The following IFT57 variants were observed in gnomAD, a reference collection of about 807,000 sequenced individuals.
IFT57 encodes intraflagellar transport protein 57 homolog.
In IFT57, 59 loss-of-function variants were observed where a neutral mutation model predicts 56.8. The ratio of observed to expected loss-of-function variants is 1.04; its 90% CI spans 0.84 to 1.29. The LOEUF (loss-of-function observed/expected upper bound fraction) is 1.29, where lower values mean the gene tolerates loss of function less well. Among genes scored for constraint, IFT57 ranks in the 50% most tolerant of loss-of-function variants. The probability of loss-of-function intolerance (pLI) is 0.00; values close to 1 mark genes in which losing one functional copy is unlikely to be tolerated. For missense variants in IFT57, 470 were observed against 522.1 expected (o/e 0.90, Z 0.97); for synonymous variants, 209 against 186.1 (o/e 1.12, Z -1.00).
intron 4 of IFT57, among the ~76,000 whole-genome samples, chr3:108,213,451 TA>T (rs1302757825): frequency 6.6e-6 from 1 of 152,206 alleles, no homozygotes; most frequent in Non-Finnish European, 1.5e-5. Context: ...GTAAAACATG[TA>T]AAAAGTTGTA....
At chr3:108,210,262 T>C (rs1364990372) in intron 4 of IFT57, among the ~76,000 whole-genome samples, 2 of 151,860 alleles carry the variant, frequency 1.3e-5, no homozygotes, top group Non-Finnish European at 2.9e-5. Flanking sequence ...TAACTTGATA[T>C]GGGCAGTTCA....
At chr3:108,176,105 C>T (rs1388780099) in intron 6 of IFT57, among the ~76,000 whole-genome samples, 1 of 151,848 alleles carries the variant, frequency 6.6e-6, no homozygotes, top group Non-Finnish European at 1.5e-5. Context: ...TCACTGCCCA[C>T]AATTATAATG....
At chr3:108,171,958 T>TACAC (rs1309035661) in intron 6 of IFT57, among the ~76,000 whole-genome samples, 7 of 151,714 alleles carry the variant, frequency 4.6e-5, no homozygotes, top group Admixed American at 1.3e-4. Flanking sequence ...AATGCATACA[T>TACAC]ACATACATAT....
intron 2 of IFT57, 24 bp from the exon 3 acceptor site, chr3:108,218,677 G>C (rs1329142827): frequency 8.3e-7 from 1 of 1,211,414 alleles, no homozygotes; most frequent in Non-Finnish European, 1.2e-6. Flanking sequence ...GAAAAAACAG[G>C]GTATTATTTG....
At chr3:108,217,761 C>T (rs2080380898) in intron 3 of IFT57, among the ~76,000 whole-genome samples, 1 of 150,342 alleles carries the variant, frequency 6.7e-6, no homozygotes, top group Non-Finnish European at 1.5e-5. Context: ...TCGCATTTTA[C>T]CTGAATAGTG....
chr3:108,213,415 C>G, intron 4 of IFT57, among the ~76,000 whole-genome samples: 1 of 152,100 alleles, frequency 6.6e-6, no homozygotes. Context: ...TCTCTGTCAT[C>G]TTTAGCTGCA....
intron 4 of IFT57, among the ~76,000 whole-genome samples, chr3:108,211,247 AG>A (rs1387467150): frequency 6.6e-6 from 1 of 152,228 alleles, no homozygotes; most frequent in African/African-American, 2.4e-5. Context: ...TACTAGAACC[AG>A]GTATCTGTTC....
intron 6 of IFT57, among the ~76,000 whole-genome samples, chr3:108,176,839 A>G (rs909509122): frequency 5.9e-5 from 9 of 151,838 alleles, no homozygotes; most frequent in Non-Finnish European, 1.3e-4. Flanking sequence ...TTTTAAATCT[A>G]ATAATGATAA....
At chr3:108,179,281 T>C (rs1407641707) in intron 6 of IFT57, among the ~76,000 whole-genome samples, 2 of 151,944 alleles carry the variant, frequency 1.3e-5, no homozygotes, top group East Asian at 3.9e-4. Context: ...TGAGATTTCC[T>C]GTGACATGTC....
intron 4 of IFT57, among the ~76,000 whole-genome samples, chr3:108,208,782 A>G (rs1011071995): frequency 2.6e-5 from 4 of 152,238 alleles, no homozygotes; most frequent in African/African-American, 7.2e-5. Flanking sequence ...CTCTGAATCA[A>G]CATGGCAAAG....
intron 5 of IFT57, among the ~76,000 whole-genome samples, chr3:108,203,886 C>T (rs184615009): frequency 4.6e-5 from 7 of 152,264 alleles, no homozygotes; most frequent in Admixed American, 6.5e-5. Context: ...GGAGAAAATG[C>T]GGCAATCCAC....
In IFT57 at chr3:108,209,566, T is replaced by C. The variant is rs12485793; in HGVS notation, c.586-2870A>G. Among the ~76,000 whole-genome samples the C allele has an allele frequency of 7.2e-3, 1,096 of 152,314 alleles. 27 individuals carry two copies. The highest frequency in any genetic ancestry group is 0.044 in the East Asian group (227 of 5,186). ...TTAAACATTATTCAGAGTGTGTCTA[T>C]GAGGGTGTTTCTGGATGCGAAAAAT... is the stretch of plus-strand genomic sequence containing the variant. On this transcript the variant is annotated intron_variant, in intron 4 of 10. Coordinates refer to ENST00000264538, the MANE Select transcript of IFT57 (RefSeq NM_018010.4).
intron 6 of IFT57, among the ~76,000 whole-genome samples, chr3:108,180,229 T>C (rs2080144774): frequency 6.6e-6 from 1 of 152,026 alleles, no homozygotes; most frequent in Non-Finnish European, 1.5e-5. Context: ...AGAGTTTTCA[T>C]ATGTTGACTC....
rs887447523 is a variant in IFT57, at chr3:108,162,932, GA to G, written c.1112-278del. ...AACAGGTGTTTAAGGATGTGTTCAA[GA>G]TGATTTTATGAGCTAGTATATTTGT... is the stretch of plus-strand genomic sequence containing the variant. On this transcript the variant is annotated intron_variant, in intron 10 of 10. Transcript: ENST00000264538. 1.1e-4 allele frequency among the ~76,000 whole-genome samples: 16 copies of G among 151,930 alleles called. 1 individual carries two copies. Among genetic ancestry groups the G allele is most frequent in the Admixed American group, 8.5e-4 (13 of 15,208 alleles).
In IFT57 at chr3:108,222,307, C is replaced by CCAGAGCAGCAGTCATCG; in HGVS notation, c.-2_15dup (p.Ala6ArgfsTer2). The CCAGAGCAGCAGTCATCG allele has an allele frequency of 6.2e-7, 1 of 1,612,018 alleles. No individual in the cohort carries two copies. Among genetic ancestry groups the CCAGAGCAGCAGTCATCG allele is most frequent in the Non-Finnish European group, 8.5e-7 (1 of 1,179,042 alleles). ...TCCAAACCCGACGTCGTGACGACGG[C>CCAGAGCAGCAGTCATCG]CAGAGCAGCAGTCATCGCAGAACGG... On this transcript the variant is annotated stop_gained and frameshift_variant, in exon 1 of 11. Coordinates refer to ENST00000264538, the MANE Select transcript of IFT57 (RefSeq NM_018010.4). LOFTEE classifies it high-confidence loss of function.
rs956796110 is a variant in IFT57 at position 108,166,913 on chromosome 3, T to C, written c.922A>G (p.Asn308Asp). The change falls in exon 8 of 11, where the codon AAC becomes GAC. Residue 308 changes from asparagine to aspartate, a missense_variant. By Grantham distance (23) the Asn-to-Asp change is conservative (BLOSUM62 1). Transcript: ENST00000264538. Reference protein sequence around the residue: ...EKISSREKYINNQLENLVQEY... With the variant: ...EKISSREKYIDNQLENLVQEY... The stretch of plus-strand genomic sequence containing the variant: ...TGAACCAAATTCTCAAGCTGATTGT[T>C]GATGTACTTTTCTCGGCTGCTGATC... 6 of 1,611,762 alleles carry C rather than the reference T, an allele frequency of 3.7e-6. No homozygotes were observed. The African/African-American group carries it at 8.0e-5, about 22-fold the overall frequency.
chr3:108,176,999 C>CA (rs1452606502), intron 6 of IFT57, among the ~76,000 whole-genome samples: 1 of 151,702 alleles, frequency 6.6e-6, no homozygotes, highest in Non-Finnish European at 1.5e-5. Context: ...TAAACTCACA[C>CA]AGGTCAATCC....
At chr3:108,205,438 G>A (rs2080303925) in intron 5 of IFT57, among the ~76,000 whole-genome samples, 1 of 151,714 alleles carries the variant, frequency 6.6e-6, no homozygotes, top group African/African-American at 2.4e-5. Flanking sequence ...ATCTCAAGTT[G>A]GGCAGAAAAC....
rs563808042 is a variant in IFT57, at chr3:108,177,160, T to A, written c.778-9296A>T. ...TATTTGAGTTCTTACAAGAAGGTTA[T>A]TCATATATTAATAATGCAATAAAAA... On this transcript the variant is annotated intron_variant, in intron 6 of 10. Coordinates refer to ENST00000264538, the MANE Select transcript of IFT57 (RefSeq NM_018010.4). 1.3e-4 allele frequency among the ~76,000 whole-genome samples: 19 copies of A among 151,962 alleles called. No individual in the cohort carries two copies. In the South Asian group the frequency reaches 3.9e-3, roughly 31 times the overall value.
Sources: gnomAD v4.1 joint callset for allele counts (sites outside exome capture counted in the v4.1 genomes callset) on GRCh38, gnomAD v4.1.1 for gene constraint, MANE v1.5 for transcripts, NCBI Gene and HGNC (gene_info 2026-07-23, HGNC 2026-07-21) for gene names.